Variants in LRRTM4 observed in about 807,000 individuals in gnomAD.
LRRTM4 encodes the protein leucine rich repeat transmembrane neuronal 4.
LRRTM4 carries 25 observed loss-of-function variants against 47.6 expected under a neutral mutation model. That is an observed-to-expected ratio of 0.53 (90% confidence interval 0.38 to 0.73). The LOEUF (loss-of-function observed/expected upper bound fraction) is 0.73. Ranked by LOEUF, LRRTM4 falls within the 30% of genes least tolerant of loss-of-function variation. The pLI, the probability that LRRTM4 is intolerant of heterozygous loss-of-function variation, is 0.00. For missense variants in LRRTM4, 638 were observed against 713.4 expected (o/e 0.89, Z 1.20); for synonymous variants, 311 against 269.5 (o/e 1.15, Z -1.51).
chr2:77,291,463 G>A (rs532281431), intron 3 of LRRTM4, among the ~76,000 whole-genome samples: 18 of 152,082 alleles, frequency 1.2e-4, no homozygotes, highest in African/African-American at 2.9e-4. Context: ...CCATGAATTC[G>A]TTTGCATGTA....
intron 3 of LRRTM4, among the ~76,000 whole-genome samples, chr2:77,445,124 G>T (rs1259171107): frequency 6.6e-6 from 1 of 151,972 alleles, no homozygotes; most frequent in Admixed American, 6.6e-5. Flanking sequence ...TATGATTAAA[G>T]ACAATAGATG....
chr2:77,156,385 T>C (rs1672561243), intron 3 of LRRTM4, among the ~76,000 whole-genome samples: 1 of 147,834 alleles, frequency 6.8e-6, no homozygotes, highest in African/African-American at 2.5e-5. Flanking sequence ...TAAAATGAAA[T>C]ATGAAGTATT....
chr2:77,419,832 A>G (rs1371083446), intron 3 of LRRTM4, among the ~76,000 whole-genome samples: 7 of 152,176 alleles, frequency 4.6e-5, no homozygotes, highest in African/African-American at 1.2e-4. Context: ...GATTAATCAC[A>G]CTTGACCAGA....
At chr2:77,024,653 A>T (rs1279219652) in intron 3 of LRRTM4, among the ~76,000 whole-genome samples, 5 of 152,042 alleles carry the variant, frequency 3.3e-5, no homozygotes, top group Non-Finnish European at 7.4e-5. Flanking sequence ...TTCCTTAGGG[A>T]TAATAAAACT....
Position 76,928,495 on chromosome 2 carries a change from T to C in LRRTM4, c.1552-179579A>G, listed in dbSNP as rs559541979. 2.6e-5 allele frequency among the ~76,000 whole-genome samples: 4 copies of C among 152,220 alleles called. No homozygotes were observed. In the East Asian group the frequency reaches 5.8e-4, roughly 22 times the overall value. On this transcript the variant is annotated intron_variant, in intron 3 of 3. Transcript: ENST00000409884. ...GAGGAGCTTTGAGGATTTTTGATGATATAGAACAATCAGTGGTGAAAGATC... is the reference window on the plus strand; with the variant it reads ...GAGGAGCTTTGAGGATTTTTGATGACATAGAACAATCAGTGGTGAAAGATC...
intron 3 of LRRTM4, among the ~76,000 whole-genome samples, chr2:77,308,350 G>C (rs953301647): frequency 6.6e-6 from 1 of 151,806 alleles, no homozygotes. Context: ...TCAATACTCA[G>C]CACCATTCCA....
chr2:76,819,484 G>C (rs1051175676), intron 3 of LRRTM4, among the ~76,000 whole-genome samples: 2 of 151,780 alleles, frequency 1.3e-5, no homozygotes, highest in African/African-American at 4.8e-5. Context: ...ATTTGGGTCT[G>C]GAATATAGAC....
intron 3 of LRRTM4, among the ~76,000 whole-genome samples, chr2:76,801,094 A>T (rs1032633114): frequency 5.3e-5 from 8 of 151,820 alleles, no homozygotes; most frequent in African/African-American, 1.5e-4. Context: ...CCATTGTGGA[A>T]GTCGGTGTGG....
At chr2:77,298,696 A>C (rs193193793) in intron 3 of LRRTM4, among the ~76,000 whole-genome samples, 97 of 152,314 alleles carry the variant, frequency 6.4e-4, no homozygotes, top group Non-Finnish European at 1.2e-3. Flanking sequence ...CTAGCAATGC[A>C]GTTTGCCAAT....
chr2:76,840,671 A>G (rs1671647981), intron 3 of LRRTM4, among the ~76,000 whole-genome samples: 1 of 152,218 alleles, frequency 6.6e-6, no homozygotes. Context: ...TCATTTCTCC[A>G]CTTTGTATGA....
At chr2:77,209,647 T>C (rs1674238409) in intron 3 of LRRTM4, among the ~76,000 whole-genome samples, 1 of 152,184 alleles carries the variant, frequency 6.6e-6, no homozygotes, top group Non-Finnish European at 1.5e-5. Flanking sequence ...TATGATTTAT[T>C]TAGCCAAAAA....
At chr2:76,825,636 G>A (rs958236743) in intron 3 of LRRTM4, among the ~76,000 whole-genome samples, 9 of 151,652 alleles carry the variant, frequency 5.9e-5, no homozygotes, top group African/African-American at 1.9e-4. Context: ...GAGATGTCAA[G>A]TAGACTACTG....
chr2:77,106,817 G>A (rs1187806139), intron 3 of LRRTM4, among the ~76,000 whole-genome samples: 2 of 151,918 alleles, frequency 1.3e-5, no homozygotes, highest in African/African-American at 4.8e-5. Flanking sequence ...AGGGTAAGTG[G>A]ACAATAGCTA....
chr2:77,143,594 A>G (rs1406933043), intron 3 of LRRTM4, among the ~76,000 whole-genome samples: 1 of 152,240 alleles, frequency 6.6e-6, no homozygotes, highest in African/African-American at 2.4e-5. Flanking sequence ...AAACAAAAAT[A>G]GAGAGACAAA....
At chr2:76,954,131 T>A (rs961163905) in intron 3 of LRRTM4, among the ~76,000 whole-genome samples, 3 of 151,840 alleles carry the variant, frequency 2.0e-5, no homozygotes, top group Non-Finnish European at 2.9e-5. Flanking sequence ...AGAGGTAGGT[T>A]TTTTCAAAGT....
At position 77,112,405 on chromosome 2, in the gene LRRTM4, AT is replaced by A. The variant is rs371890914; in HGVS notation, c.1552-363490del. Among the ~76,000 whole-genome samples, 698 of 152,318 alleles carry A rather than the reference AT, an allele frequency of 4.6e-3. 4 individuals are homozygous for A. The highest frequency in any genetic ancestry group is 4.5e-3 in the Non-Finnish European group (308 of 68,022). On this transcript the variant is annotated intron_variant, in intron 3 of 3. Coordinates refer to ENST00000409884, the MANE Select transcript of LRRTM4 (RefSeq NM_001134745.3). Reference sequence around the variant, plus strand: ...AAAATATGTAGTCTCTTATTACCCTATTTCTTTAAAATGACCATTTTAATAC... The same window carrying A: ...AAAATATGTAGTCTCTTATTACCCTATTCTTTAAAATGACCATTTTAATAC...
intron 3 of LRRTM4, among the ~76,000 whole-genome samples, chr2:77,134,354 G>C (rs1334747548): frequency 1.3e-5 from 2 of 151,982 alleles, no homozygotes; most frequent in Admixed American, 6.6e-5. Flanking sequence ...GCCTAGCCTG[G>C]GATGATTGTT....
intron 3 of LRRTM4, among the ~76,000 whole-genome samples, chr2:77,142,981 A>G (rs534069964): frequency 2.1e-4 from 32 of 152,302 alleles, no homozygotes; most frequent in South Asian, 8.3e-4. Flanking sequence ...CATTCTTCCT[A>G]TATTTGAATT....
intron 3 of LRRTM4, among the ~76,000 whole-genome samples, chr2:76,881,583 C>G (rs1672931058): frequency 6.6e-6 from 1 of 150,584 alleles, no homozygotes; most frequent in Non-Finnish European, 1.5e-5. Context: ...GTAATCTTAA[C>G]AGTCTGTTTT....
Sources: allele counts gnomAD v4.1 joint callset (sites outside exome capture counted in the v4.1 genomes callset), GRCh38; gene constraint gnomAD v4.1.1; transcripts MANE v1.5; gene names NCBI Gene and HGNC (gene_info 2026-07-23, HGNC 2026-07-21).